The following ZNF28 variants were observed in gnomAD, a reference collection of about 807,000 sequenced individuals.
ZNF28 encodes the protein zinc finger protein KOX24.
Under a neutral mutation model 7.2 loss-of-function variants are expected in ZNF28, and 5 were observed. The observed-to-expected ratio is 0.70, with a 90% CI of 0.36 to 1.46. The LOEUF (loss-of-function observed/expected upper bound fraction) is 1.46. Among genes scored for constraint, ZNF28 ranks in the 40% most tolerant of loss-of-function variants. The pLI is 0.03. For missense variants in ZNF28, 879 were observed against 866.6 expected, an observed-to-expected ratio of 1.01 and a Z score of -0.18; for synonymous variants, 288 against 292.4, an observed-to-expected ratio of 0.99 and a Z score of 0.15.
intron 3 of ZNF28, 42 bp downstream of exon 3, chr19:52,807,965 A>G (rs1249290259): frequency 6.2e-7 from 1 of 1,611,144 alleles, no homozygotes; most frequent in Non-Finnish European, 8.5e-7. Flanking sequence ...AAGAGAAAAT[A>G]CAAAGATACA....
intron 2 of ZNF28, among the ~76,000 whole-genome samples, chr19:52,811,655 G>GC (rs2063042722): frequency 1.4e-5 from 2 of 145,394 alleles, no homozygotes; most frequent in East Asian, 2.1e-4. Context: ...CCTCTGCCTG[G>GC]CAACCGCCCC....
chr19:52,811,006 C>A (rs1485180928), intron 2 of ZNF28, among the ~76,000 whole-genome samples: 2 of 146,978 alleles, frequency 1.4e-5, no homozygotes, highest in African/African-American at 5.0e-5. Context: ...TCTCCTGCCT[C>A]AGCCTGCCGA....
chr19:52,817,890 C>T (rs2063147045), intron 2 of ZNF28, 54 bp downstream of exon 2: 8 of 1,608,128 alleles, frequency 5.0e-6, no homozygotes, highest in Non-Finnish European at 6.8e-6. Context: ...ACTCCAAGGC[C>T]CAGCGTTTCT....
At chr19:52,807,935 T>C in intron 3 of ZNF28, 72 bp downstream of exon 3, 1 of 1,604,238 alleles carries the variant, frequency 6.2e-7, no homozygotes, top group Non-Finnish European at 8.5e-7. Context: ...CAAGTAAGGA[T>C]GTGGCTCCCA....
chr19:52,820,206 T>A lies in ZNF28; in HGVS notation c.-74+1380A>T, dbSNP rs1206852390. 1.5e-4 allele frequency among the ~76,000 whole-genome samples: 17 copies of A among 114,094 alleles called. 1 individual carries two copies. Among genetic ancestry groups the A allele is most frequent in the Non-Finnish European group, 2.1e-4 (12 of 56,080 alleles). The allele number at this position is 114,094 out of a possible 152,430, so 74.9% of individuals were successfully genotyped here. ...AATCTCGGCTCACTGCAAGCTCTGC[T>A]TCCCGGGTTCACGCCATTCTCCTGC... On this transcript the variant is annotated intron_variant, in intron 1 of 3. Coordinates refer to ENST00000457749, the MANE Select transcript of ZNF28 (RefSeq NM_006969.5).
Position 52,800,332 on chromosome 19 carries a change from G to A in ZNF28, c.1513C>T (p.Arg505Trp), listed in dbSNP as rs769165363. The A allele has an allele frequency of 3.1e-5, 50 of 1,612,288 alleles. No homozygotes were observed. Among genetic ancestry groups the A allele is most frequent in the Middle Eastern group, 1.6e-4 (1 of 6,074 alleles). The change falls in exon 4 of 4, where the codon CGG becomes TGG. Residue 505 changes from arginine (R) to tryptophan (W), a missense_variant. This residue lies in a region of ZNF28 where 864 missense variants were observed against 830.2 expected (regional missense o/e 1.04). Transcript: ENST00000457749. ...YKCKVCDKAF[R>W]SDSCLTEHQR... is the part of the protein sequence containing the mutation. ...TGTTCTGTAAGGCATGAATCACTCC[G>A]GAAAGCCTTGTCACAAACCTTACAT...
Position 52,798,402 on chromosome 19 carries a change from A to G in ZNF28, c.*1286T>C. 1 of 387,616 alleles carries G rather than the reference A, an allele frequency of 2.6e-6. No homozygotes were observed. Among genetic ancestry groups the G allele is most frequent in the Non-Finnish European group, 5.1e-6 (1 of 196,124 alleles). 24.0% of individuals were successfully genotyped at this position (387,616 alleles called of 1,614,324 possible). Reference sequence around the variant, plus strand: ...GCTCATTTAACTGTAATGTCAATTAATGCTTGATGGCTTGCTATACTAATG... The same window carrying G: ...GCTCATTTAACTGTAATGTCAATTAGTGCTTGATGGCTTGCTATACTAATG... On this transcript the variant is annotated 3_prime_UTR_variant, in exon 4 of 4. Transcript: ENST00000457749.
rs1268082091 is a variant in ZNF28 at position 52,812,293 on chromosome 19, T to G, written c.16-4160A>C. Among the ~76,000 whole-genome samples the G allele has an allele frequency of 7.1e-5, 10 of 141,062 alleles. 1 individual carries two copies. The highest frequency in any genetic ancestry group is 9.2e-5 in the African/African-American group (3 of 32,714). 92.5% of individuals were successfully genotyped at this position (141,062 alleles called of 152,430 possible). On this transcript the variant is annotated intron_variant, in intron 2 of 3. Coordinates refer to ENST00000457749, the MANE Select transcript of ZNF28 (RefSeq NM_006969.5). The stretch of plus-strand genomic sequence containing the variant: ...CCAGCGGCTCATTGAGAACGGGCCA[T>G]GATGACAATGGCGGTTTTGTGGAAT...
chr19:52,811,137 G>A (rs1047747626), intron 2 of ZNF28, among the ~76,000 whole-genome samples: 9 of 150,138 alleles, frequency 6.0e-5, no homozygotes, highest in East Asian at 3.9e-4. Context: ...CGAGTGATCC[G>A]CCAGCCTCGG....
At position 52,798,848 on chromosome 19, in the gene ZNF28, T is replaced by G; in HGVS notation, c.*840A>C. ...GAAAACTTTGTGACAATCATTATAT[T>G]AGTCAAGTTTCCCTATACTATGGAT... On this transcript the variant is annotated 3_prime_UTR_variant, in exon 4 of 4. Coordinates refer to ENST00000457749, the MANE Select transcript of ZNF28 (RefSeq NM_006969.5). 8.4e-7 allele frequency: 1 copy of G among 1,184,472 alleles called. No homozygotes were observed. Among genetic ancestry groups the G allele is most frequent in the Non-Finnish European group, 1.2e-6 (1 of 836,724 alleles). The allele number at this position is 1,184,472 out of a possible 1,614,324, so 73.4% of individuals were successfully genotyped here.
At chr19:52,804,432 G>A (rs535633649) in intron 3 of ZNF28, among the ~76,000 whole-genome samples, 2 of 152,216 alleles carry the variant, frequency 1.3e-5, no homozygotes, top group African/African-American at 2.4e-5. Flanking sequence ...GTAGAGTAGC[G>A]TGATCTTGGC....
intron 2 of ZNF28, chr19:52,810,840 T>TATACTG (rs2063015480): frequency 7.9e-6 from 1 of 127,032 alleles, no homozygotes; most frequent in African/African-American, 8.1e-5. Context: ...AAAAAAAGAG[T>TATACTG]CCCTCTCCCT....
Position 52,800,358 on chromosome 19 carries a change from T to G in ZNF28, c.1487A>C (p.Lys496Thr), listed in dbSNP as rs764013128. ...GAAAGCCTTGTCACAAACCTTACAT[T>G]TGTATGGTTTCTCTCCAGTATGAAT... ...RRIHTGEKPYKCKVCDKAFRS... is the reference protein window; with the variant it reads ...RRIHTGEKPYTCKVCDKAFRS... The change falls in exon 4 of 4, where the codon AAA becomes ACA. Residue 496 changes from lysine to threonine, a missense_variant. Around this residue, in one of 2 missense-constraint regions of ZNF28, gnomAD observed 864 missense variants for 830.2 expected, o/e 1.04. Transcript: ENST00000457749. 8 of 1,614,012 alleles carry G rather than the reference T, an allele frequency of 5.0e-6. No individual in the cohort carries two copies. Among genetic ancestry groups the G allele is most frequent in the Non-Finnish European group, 6.8e-6 (8 of 1,179,970 alleles).
chr19:52,808,887 A>G (rs996843152), intron 2 of ZNF28, among the ~76,000 whole-genome samples: 2 of 152,194 alleles, frequency 1.3e-5, no homozygotes, highest in African/African-American at 2.4e-5. Context: ...TTTTCACAAA[A>G]TAATAAAACC....
At chr19:52,808,260 T>G (rs1473685738) in intron 2 of ZNF28, 127 bp from the exon 3 acceptor site, 3 of 1,501,994 alleles carry the variant, frequency 2.0e-6, no homozygotes, top group Non-Finnish European at 1.8e-6. Flanking sequence ...AGTGACGGAT[T>G]TTTCACCACA....
At chr19:52,808,207 G>T in intron 2 of ZNF28, 74 bp from the exon 3 acceptor site, 1 of 1,585,986 alleles carries the variant, frequency 6.3e-7, no homozygotes, top group Admixed American at 1.8e-5. Flanking sequence ...CAAGAGAGGG[G>T]GAAAGCATGG....
intron 2 of ZNF28, among the ~76,000 whole-genome samples, chr19:52,811,867 C>T (rs1013526831): frequency 2.9e-5 from 4 of 139,980 alleles, no homozygotes; most frequent in African/African-American, 8.3e-5. Context: ...CCCGGCCAGC[C>T]GCCCCGTCCG....
chr19:52,799,204 G>C lies in ZNF28; in HGVS notation c.*484C>G. The C allele has an allele frequency of 2.6e-6, 1 of 386,428 alleles. No individual in the cohort carries two copies. Among genetic ancestry groups the C allele is most frequent in the Non-Finnish European group, 5.1e-6 (1 of 198,014 alleles). 23.9% of individuals were successfully genotyped at this position (386,428 alleles called of 1,614,324 possible). ...CACTTGTAGGGTTTCTCTCCAATAC[G>C]AATTGCCTTTTGAATTACAAGGTAT... On this transcript the variant is annotated 3_prime_UTR_variant, in exon 4 of 4. Coordinates refer to ENST00000457749, the MANE Select transcript of ZNF28 (RefSeq NM_006969.5).
At position 52,802,201 on chromosome 19, in the gene ZNF28, T is replaced by A. The variant is rs188480730; in HGVS notation, c.143-499A>T. Among the ~76,000 whole-genome samples the A allele has an allele frequency of 8.6e-3, 1,307 of 152,216 alleles. 8 individuals carry two copies. The highest frequency in any genetic ancestry group is 0.012 in the Admixed American group (176 of 15,288). ...TCAAACAATCATAGCACTGACAAGA[T>A]AACAAAAGATTATAAAAATTAGCCA... On this transcript the variant is annotated intron_variant, in intron 3 of 3. Coordinates refer to ENST00000457749, the MANE Select transcript of ZNF28 (RefSeq NM_006969.5).
Sources: allele counts gnomAD v4.1 joint callset (sites outside exome capture counted in the v4.1 genomes callset), GRCh38; gene constraint gnomAD v4.1.1; regional missense constraint gnomAD v4.1.1; transcripts MANE v1.5; gene names NCBI Gene and HGNC (gene_info 2026-07-23, HGNC 2026-07-21).